PKIB: variants seen among roughly 807,000 people sequenced by gnomAD.
PKIB encodes PKI-beta.
In PKIB, 2 loss-of-function variants were observed where a neutral mutation model predicts 4.5. The observed-to-expected ratio is 0.44, with a 90% CI of 0.18 to 1.39. PKIB has a LOEUF of 1.39. Ranked by LOEUF, PKIB falls within the 40% of genes most tolerant of loss-of-function variation. The pLI is 0.27. For synonymous variants in PKIB, 38 were observed against 36.0 expected (o/e 1.06, Z -0.20); for missense variants, 94 against 92.6 (o/e 1.02, Z -0.06).
upstream of PKIB, among the ~76,000 whole-genome samples, chr6:122,608,180 G>A (rs62422815): frequency 0.079 from 12,049 of 152,200 alleles, 638 homozygotes; most frequent in Non-Finnish European, 0.11. Context: ...ATGTGGATTT[G>A]TAGTTCTTGG....
At chr6:122,653,150 A>G (rs1562286483) in intron 2 of PKIB, among the ~76,000 whole-genome samples, 2 of 152,222 alleles carry the variant, frequency 1.3e-5, no homozygotes, top group Non-Finnish European at 2.9e-5. Flanking sequence ...GTCCCTGGAT[A>G]GCTGAGCTTT....
At chr6:122,521,921 G>A (rs536105483) in intron 2 of PKIB, among the ~76,000 whole-genome samples, 5 of 151,998 alleles carry the variant, frequency 3.3e-5, no homozygotes, top group East Asian at 1.9e-4. Flanking sequence ...TGGCCACTAC[G>A]GTCCTCATCT....
intron 2 of PKIB, among the ~76,000 whole-genome samples, chr6:122,650,092 C>T (rs1038101423): frequency 6.6e-6 from 1 of 152,082 alleles, no homozygotes; most frequent in African/African-American, 2.4e-5. Context: ...TTCTAAAATC[C>T]AAAGAGGCCC....
chr6:122,718,884 T>C (rs1434444359), intron 4 of PKIB, among the ~76,000 whole-genome samples: 1 of 152,100 alleles, frequency 6.6e-6, no homozygotes, highest in Non-Finnish European at 1.5e-5. Flanking sequence ...ATCCTGCAGT[T>C]CCATGATTAC....
At chr6:122,712,477 G>C (rs1057438521) in intron 3 of PKIB, among the ~76,000 whole-genome samples, 4 of 152,206 alleles carry the variant, frequency 2.6e-5, no homozygotes, top group Non-Finnish European at 5.9e-5. Flanking sequence ...TTAGGATACT[G>C]AGAGCTGGAG....
chr6:122,562,001 TTTG>T (rs1313581680), intron 2 of PKIB, among the ~76,000 whole-genome samples: 36 of 131,546 alleles, frequency 2.7e-4, no homozygotes, highest in African/African-American at 8.1e-4. Context: ...TTTGTTTTTT[TTTG>T]TTTTTTTTTT....
intron 2 of PKIB, among the ~76,000 whole-genome samples, chr6:122,509,435 CT>C (rs58299203): frequency 0.15 from 21,080 of 144,274 alleles, 1,533 homozygotes; most frequent in East Asian, 0.26. Context: ...TTAAAATTGT[CT>C]TTTTTTTTTT....
In PKIB at chr6:122,610,813, T is replaced by G. The variant is rs1774721435; in HGVS notation, c.-161+278T>G. On this transcript the variant is annotated intron_variant, in intron 1 of 4. Coordinates refer to ENST00000368452, the MANE Select transcript of PKIB (RefSeq NM_181795.3). ...GACGTGGGAGGTCTGTCACCTGCCT[T>G]TTGCCCACTCTGCCCTGCAGGTGGC... Among the ~76,000 whole-genome samples the G allele has an allele frequency of 2.6e-5, 4 of 152,180 alleles. No individual in the cohort carries two copies. The South Asian group carries it at 8.3e-4, about 32-fold the overall frequency.
At chr6:122,519,994 C>T (rs184016256) in intron 2 of PKIB, among the ~76,000 whole-genome samples, 130 of 152,222 alleles carry the variant, frequency 8.5e-4, no homozygotes, top group Non-Finnish European at 1.6e-3. Context: ...TCCAAGATTC[C>T]CTCTAGGGTG....
chr6:122,517,848 C>G (rs946020871), intron 2 of PKIB, among the ~76,000 whole-genome samples: 3 of 152,188 alleles, frequency 2.0e-5, no homozygotes, highest in Non-Finnish European at 4.4e-5. Flanking sequence ...ACATCATTCT[C>G]AAACAGATAT....
At chr6:122,498,499 G>A (rs1776137842) in intron 2 of PKIB, among the ~76,000 whole-genome samples, 1 of 152,100 alleles carries the variant, frequency 6.6e-6, no homozygotes, top group South Asian at 2.1e-4. Flanking sequence ...ACAAAAATAA[G>A]GCAGGAATAA....
intron 2 of PKIB, among the ~76,000 whole-genome samples, chr6:122,498,161 G>A (rs1397149536): frequency 6.6e-6 from 1 of 152,134 alleles, no homozygotes; most frequent in Non-Finnish European, 1.5e-5. Context: ...CTGAGACTAG[G>A]CAATTTACAA....
chr6:122,522,153 A>C (rs1235839325), intron 2 of PKIB, among the ~76,000 whole-genome samples: 1 of 152,236 alleles, frequency 6.6e-6, no homozygotes, highest in African/African-American at 2.4e-5. Flanking sequence ...ATTAGCAAAA[A>C]AAAAACATAA....
At chr6:122,651,265 C>T (rs2114879143) in intron 2 of PKIB, among the ~76,000 whole-genome samples, 1 of 152,296 alleles carries the variant, frequency 6.6e-6, no homozygotes, top group Non-Finnish European at 1.5e-5. Context: ...TTTACGTATT[C>T]CCCAGATTGT....
intron 2 of PKIB, chr6:122,493,296 C>T (rs1775988667): frequency 6.6e-6 from 1 of 152,210 alleles, no homozygotes; most frequent in Non-Finnish European, 1.5e-5. Context: ...TCGTCCCTTT[C>T]ACCATGTGAG....
At chr6:122,495,971 T>C (rs1190804792) in intron 2 of PKIB, among the ~76,000 whole-genome samples, 1 of 152,166 alleles carries the variant, frequency 6.6e-6, no homozygotes, top group Non-Finnish European at 1.5e-5. Flanking sequence ...AGCTGGTGTT[T>C]ACACTTGCCA....
intron 2 of PKIB, among the ~76,000 whole-genome samples, chr6:122,523,521 G>A (rs1777008346): frequency 6.6e-6 from 1 of 152,102 alleles, no homozygotes. Flanking sequence ...GATCTGATGG[G>A]TTTAAAAAGG....
chr6:122,507,171 T>C (rs1171570304), intron 2 of PKIB, among the ~76,000 whole-genome samples: 2 of 152,176 alleles, frequency 1.3e-5, no homozygotes, highest in Non-Finnish European at 2.9e-5. Flanking sequence ...CCTGGAATTT[T>C]AACAGTCAAT....
intron 2 of PKIB, among the ~76,000 whole-genome samples, chr6:122,506,809 C>T (rs1006944036): frequency 1.7e-4 from 26 of 149,646 alleles, no homozygotes; most frequent in Middle Eastern, 3.4e-3. Context: ...ACGCCATTCT[C>T]CTGCCTCAGC....
Sources: allele counts gnomAD v4.1 joint callset (sites outside exome capture counted in the v4.1 genomes callset), GRCh38; gene constraint gnomAD v4.1.1; transcripts MANE v1.5; gene names NCBI Gene and HGNC (gene_info 2026-07-23, HGNC 2026-07-21).